NFX1: variants seen among roughly 807,000 people sequenced by gnomAD.
The protein encoded by NFX1 is nuclear transcription factor, X-box binding 1, also known as transcriptional repressor NF-X1.
Under a neutral mutation model 137.2 loss-of-function variants are expected in NFX1, and 69 were observed. The observed-to-expected ratio is 0.50, with a 90% CI of 0.41 to 0.61. The LOEUF is 0.61. Among genes scored for constraint, NFX1 ranks in the 20% least tolerant of loss-of-function variants. The pLI, the probability that NFX1 is intolerant of heterozygous loss-of-function variation, is 0.00. For synonymous variants in NFX1, 495 were observed against 474.1 expected (o/e 1.04, Z -0.57); for missense variants, 1,167 against 1,391.0 (o/e 0.84, Z 2.56).
intron 9 of NFX1, among the ~76,000 whole-genome samples, chr9:33,326,858 C>T (rs1347566023): frequency 3.9e-5 from 6 of 152,008 alleles, no homozygotes; most frequent in Admixed American, 2.6e-4. Context: ...AATAACTGCA[C>T]AAAAGGGGAG....
intron 6 of NFX1, among the ~76,000 whole-genome samples, chr9:33,312,794 C>T (rs1822010357): frequency 6.6e-6 from 1 of 152,190 alleles, no homozygotes; most frequent in Non-Finnish European, 1.5e-5. Flanking sequence ...TCGCTTGAAA[C>T]CAGGAGGTGG....
At chr9:33,308,238 T>C (rs1587826488) in intron 5 of NFX1, among the ~76,000 whole-genome samples, 1 of 152,084 alleles carries the variant, frequency 6.6e-6, no homozygotes, top group African/African-American at 2.4e-5. Flanking sequence ...GGCCAGGAGT[T>C]CTAGACCAGA....
At position 33,342,824 on chromosome 9, in the gene NFX1, C is replaced by T. The variant is rs199550083; in HGVS notation, c.2194C>T (p.Arg732Cys). The change falls in exon 13 of 24, where the codon CGT (arginine) becomes TGT (cysteine). Residue 732 changes from arginine (R) to cysteine (C), a missense_variant. Arg to Cys is a radical substitution (Grantham distance 180). Around this residue, in one of 3 missense-constraint regions of NFX1, gnomAD observed 488 missense variants for 691.5 expected, o/e 0.71. Transcript: ENST00000379540. ...GLHRCEEPCH[R>C]GNCQTCWQAS... ...TCATAGGTGTGAAGAACCTTGTCAT[C>T]GTGGAAACTGCCAGACATGCTGGCA... is the stretch of plus-strand genomic sequence containing the variant. The T allele has an allele frequency of 1.2e-4, 201 of 1,613,272 alleles. No homozygotes were observed. The East Asian group carries it at 2.4e-3, about 19-fold the overall frequency.
At chr9:33,323,953 A>G (rs1822483272) in intron 9 of NFX1, among the ~76,000 whole-genome samples, 1 of 152,132 alleles carries the variant, frequency 6.6e-6, no homozygotes, top group African/African-American at 2.4e-5. Flanking sequence ...GAAATGCAAA[A>G]TTCATTAGGC....
intron 3 of NFX1, 138 bp downstream of exon 3, chr9:33,301,559 T>G (rs868520839): frequency 5.2e-6 from 4 of 769,320 alleles, no homozygotes; most frequent in African/African-American, 3.6e-5. Context: ...CTTGATCATG[T>G]GTTTCATATG....
At chr9:33,311,324 T>G (rs1821952528) in intron 6 of NFX1, 147 bp downstream of exon 6, 2 of 766,286 alleles carry the variant, frequency 2.6e-6, no homozygotes, top group Admixed American at 2.5e-5. Context: ...TGAAAGTTTA[T>G]TAAAAAGCTT....
At chr9:33,352,915 C>A in intron 17 of NFX1, 196 bp downstream of exon 17, 1 of 542,232 alleles carries the variant, frequency 1.8e-6, no homozygotes, top group East Asian at 3.1e-5. Context: ...TTTCTAAAAG[C>A]TGGAAAGGTT....
At chr9:33,316,266 T>A (rs1296844571) in intron 7 of NFX1, among the ~76,000 whole-genome samples, 1 of 152,078 alleles carries the variant, frequency 6.6e-6, no homozygotes, top group Non-Finnish European at 1.5e-5. Flanking sequence ...GATCTGTAAT[T>A]AACAGGAAGT....
intron 15 of NFX1, among the ~76,000 whole-genome samples, chr9:33,347,336 A>G (rs1255069306): frequency 6.6e-6 from 1 of 152,220 alleles, no homozygotes; most frequent in Non-Finnish European, 1.5e-5. Context: ...ACATACCATC[A>G]AACCACTACC....
intron 7 of NFX1, among the ~76,000 whole-genome samples, chr9:33,317,904 A>C (rs947565393): frequency 8.3e-6 from 1 of 121,144 alleles, no homozygotes; most frequent in Non-Finnish European, 1.6e-5. Context: ...TGAACCGGGG[A>C]GGTGGAGGTT....
At chr9:33,349,387 A>G (rs1219583210) in intron 15 of NFX1, among the ~76,000 whole-genome samples, 5 of 152,210 alleles carry the variant, frequency 3.3e-5, no homozygotes, top group Non-Finnish European at 5.9e-5. Flanking sequence ...TGTGGAGAGG[A>G]TGACAGGGCA....
Position 33,366,662 on chromosome 9 carries a change from C to T in NFX1, c.3073C>T (p.Pro1025Ser). 1 of 1,614,130 alleles carries T rather than the reference C, an allele frequency of 6.2e-7. No homozygotes were observed. The highest frequency in any genetic ancestry group is 8.5e-7 in the Non-Finnish European group (1 of 1,180,022). ...TAGTAAGAAAAGCCACAGCTTCCCTCCCATGAACAGAGACCACCGCCGGAT... is the reference window on the plus strand; with the variant it reads ...TAGTAAGAAAAGCCACAGCTTCCCTTCCATGAACAGAGACCACCGCCGGAT... ...KNSKKSHSFP[P>S]MNRDHRRIIH... The change falls in exon 22 of 24, where the codon CCC becomes TCC. Residue 1025 changes from proline to serine, a missense_variant. By Grantham distance (74) the Pro-to-Ser change is moderately conservative (BLOSUM62 -1). This residue lies in a region of NFX1 where 312 missense variants were observed against 312.8 expected (regional missense o/e 1.00). Transcript: ENST00000379540.
At chr9:33,300,720 C>T (rs956061513) in intron 2 of NFX1, among the ~76,000 whole-genome samples, 7 of 152,212 alleles carry the variant, frequency 4.6e-5, no homozygotes, top group African/African-American at 9.7e-5. Context: ...GACTGTAACA[C>T]CACCATGGGG....
At chr9:33,290,887 C>A (rs1324179353) in intron 1 of NFX1, among the ~76,000 whole-genome samples, 1 of 152,238 alleles carries the variant, frequency 6.6e-6, no homozygotes. Context: ...GGGGCAGCGG[C>A]GCACTGACCT....
intron 10 of NFX1, 84 bp downstream of exon 10, chr9:33,328,762 C>T (rs1247896004): frequency 7.9e-6 from 9 of 1,135,456 alleles, no homozygotes; most frequent in Non-Finnish European, 6.6e-6. Flanking sequence ...TCAAAATAAC[C>T]TCAGTAGATT....
intron 7 of NFX1, among the ~76,000 whole-genome samples, chr9:33,314,264 C>T (rs1168134875): frequency 6.6e-6 from 1 of 151,834 alleles, no homozygotes; most frequent in Non-Finnish European, 1.5e-5. Context: ...GGATTACAGG[C>T]GTGAGCCACA....
chr9:33,307,488 C>T (rs905839232), intron 5 of NFX1, among the ~76,000 whole-genome samples, 189 bp downstream of exon 5: 4 of 152,198 alleles, frequency 2.6e-5, no homozygotes, highest in African/African-American at 7.2e-5. Flanking sequence ...TACCACAGCC[C>T]AGTAATAGAT....
intron 6 of NFX1, among the ~76,000 whole-genome samples, chr9:33,312,870 CAAAT>C (rs1169937747): frequency 6.6e-6 from 1 of 152,202 alleles, no homozygotes; most frequent in African/African-American, 2.4e-5. Context: ...GACTCTGTCT[CAAAT>C]AAACAACAAC....
Position 33,342,850 on chromosome 9 carries a change from A to G in NFX1, c.2220A>G (p.Gln740=), listed in dbSNP as rs766307991. The G allele has an allele frequency of 2.8e-5, 45 of 1,604,968 alleles. No individual in the cohort carries two copies. Among genetic ancestry groups the G allele is most frequent in the Middle Eastern group, 1.6e-4 (1 of 6,068 alleles). The change falls in exon 13 of 24, where the codon CAA becomes CAG. Residue 740 remains glutamine (Q), a synonymous_variant. Coordinates refer to ENST00000379540, the MANE Select transcript of NFX1 (RefSeq NM_002504.6). ...CHRGNCQTCW[Q]ASFDELTCHC... ...GTGGAAACTGCCAGACATGCTGGCA[A>G]GCCAGTGAGTGTCTTTACTGTATAG...
Sources: gnomAD v4.1 joint callset for allele counts (sites outside exome capture counted in the v4.1 genomes callset) on GRCh38, gnomAD v4.1.1 for gene constraint, gnomAD v4.1.1 regional missense constraint, MANE v1.5 for transcripts, NCBI Gene and HGNC (gene_info 2026-07-23, HGNC 2026-07-21) for gene names.